CAGE1: variants seen among roughly 807,000 people sequenced by gnomAD.
CAGE1 encodes the protein cancer antigen 1, also known as cancer-associated gene 1 protein.
CAGE1 carries 66 observed loss-of-function variants against 94.9 expected under a neutral mutation model. The observed-to-expected ratio is 0.70, with a 90% CI of 0.57 to 0.85. The LOEUF is 0.85. CAGE1 is among the 40% of genes least tolerant of loss of function. The pLI is 0.00. For synonymous variants in CAGE1, 319 were observed against 321.0 expected, an observed-to-expected ratio of 0.99 and a Z score of 0.07; for missense variants, 865 against 950.4, an observed-to-expected ratio of 0.91 and a Z score of 1.18.
chr6:7,345,145 CTAGGTCCATATTGCTTTTAGGAGCTA>C (rs1736306783), intron 11 of CAGE1, among the ~76,000 whole-genome samples: 2 of 42,318 alleles, frequency 4.7e-5, no homozygotes, highest in African/African-American at 3.4e-4. Flanking sequence ...CTTTTAGGAG[CTAGGTCCATATTGCTTTTAGGAGCTA>C]TGACACTCCT....
At chr6:7,347,711 G>C (rs921007256) in intron 11 of CAGE1, among the ~76,000 whole-genome samples, 3 of 151,892 alleles carry the variant, frequency 2.0e-5, no homozygotes, top group Admixed American at 1.3e-4. Context: ...CCACTGCCTG[G>C]AAACAGACTG....
chr6:7,375,132 C>T (rs1033795452), intron 4 of CAGE1, among the ~76,000 whole-genome samples: 2 of 151,886 alleles, frequency 1.3e-5, no homozygotes, highest in East Asian at 1.9e-4. Flanking sequence ...AACCCAGGGC[C>T]GGGTGCAGTG....
chr6:7,347,651 T>C (rs1390039214), intron 11 of CAGE1, among the ~76,000 whole-genome samples: 1 of 152,108 alleles, frequency 6.6e-6, no homozygotes, highest in Non-Finnish European at 1.5e-5. Flanking sequence ...CCCTGTTCTT[T>C]CACAGCTGGG....
chr6:7,340,162 G>A (rs990216767), intron 11 of CAGE1, among the ~76,000 whole-genome samples: 1 of 152,206 alleles, frequency 6.6e-6, no homozygotes, highest in Non-Finnish European at 1.5e-5. Flanking sequence ...GCATTTCCCT[G>A]ATCATTAGTG....
chr6:7,389,691 TGA>T lies in CAGE1; in HGVS notation c.-515_-514del. On this transcript the variant is annotated 5_prime_UTR_variant, in exon 1 of 14. It removes the in-frame stop codon of an upstream open reading frame in the 5' UTR. Coordinates refer to ENST00000502583, the MANE Select transcript of CAGE1 (RefSeq NM_001170692.2). ...GTGCCGGCTACTCAACACGCCTTCC[TGA>T]GAGCACAGAACATCCACAGCCCTAT... is the stretch of plus-strand genomic sequence containing the variant. 4 of 469,576 alleles carry T rather than the reference TGA, an allele frequency of 8.5e-6. No individual in the cohort carries two copies. Among genetic ancestry groups the T allele is most frequent in the Non-Finnish European group, 1.2e-5 (3 of 256,662 alleles). 29.1% of individuals were successfully genotyped at this position (469,576 alleles called of 1,614,324 possible).
intron 11 of CAGE1, among the ~76,000 whole-genome samples, chr6:7,345,919 C>T (rs1053559155): frequency 2.6e-5 from 4 of 151,486 alleles, no homozygotes; most frequent in Non-Finnish European, 4.4e-5. Flanking sequence ...AACGAGAGTC[C>T]ATCTCAAAAA....
intron 11 of CAGE1, among the ~76,000 whole-genome samples, chr6:7,352,098 T>C (rs941641680): frequency 8.5e-5 from 13 of 152,208 alleles, no homozygotes; most frequent in African/African-American, 2.4e-4. Context: ...AAACTGTCAC[T>C]GTTGGCTGAA....
In CAGE1 at chr6:7,353,133, A is replaced by C. The variant is rs988778888; in HGVS notation, c.2369+1908T>G. ...CCACAGAGTGGGAGAAAATCTTCGC[A>C]CTCTATACATCTGACAAAGGACAAA... On this transcript the variant is annotated intron_variant, in intron 11 of 13. Coordinates refer to ENST00000502583, the MANE Select transcript of CAGE1 (RefSeq NM_001170692.2). 5.3e-5 allele frequency among the ~76,000 whole-genome samples: 8 copies of C among 152,220 alleles called. 1 individual carries two copies. Among genetic ancestry groups the C allele is most frequent in the African/African-American group, 1.9e-4 (8 of 41,458 alleles).
chr6:7,353,017 A>C (rs1759837677), intron 11 of CAGE1, among the ~76,000 whole-genome samples: 2 of 152,206 alleles, frequency 1.3e-5, no homozygotes, highest in Admixed American at 1.3e-4. Flanking sequence ...ACCCAAAAGT[A>C]AATGCAATAA....
At chr6:7,328,901 TGTGTGTGTG>T (rs2113333032) in intron 13 of CAGE1, among the ~76,000 whole-genome samples, 1 of 94,536 alleles carries the variant, frequency 1.1e-5, no homozygotes, top group South Asian at 3.7e-4. Context: ...TGTGTGTGTG[TGTGTGTGTG>T]TGTGTGTGTA....
At chr6:7,344,377 G>A (rs964848156) in intron 11 of CAGE1, among the ~76,000 whole-genome samples, 3 of 152,248 alleles carry the variant, frequency 2.0e-5, no homozygotes, top group Admixed American at 1.3e-4. Context: ...GGCTGCAGAG[G>A]GTGTACTGGG....
rs766554545 is a variant in CAGE1 at position 7,370,044 on chromosome 6, T to G, written c.1768A>C (p.Asn590His). The change falls in exon 6 of 14, where the codon AAT becomes CAT. Residue 590 changes from asparagine to histidine, a missense_variant. Asn to His is a moderately conservative substitution (Grantham distance 68, BLOSUM62 1). Coordinates refer to ENST00000502583, the MANE Select transcript of CAGE1 (RefSeq NM_001170692.2). ...ITKDTKTTHS[N>H]LLPDCSPCEE... is the part of the protein sequence containing the mutation. Reference sequence around the variant, plus strand: ...CAAGGTGAGCAATCCGGGAGCAGATTAGAATGTGTCGTTTTTGTATCCTAC... The same window carrying G: ...CAAGGTGAGCAATCCGGGAGCAGATGAGAATGTGTCGTTTTTGTATCCTAC... 5 of 1,607,192 alleles carry G rather than the reference T, an allele frequency of 3.1e-6. No homozygotes were observed. The Admixed American group carries it at 6.9e-5, about 22-fold the overall frequency.
chr6:7,367,910 TC>T (rs1291693237), intron 7 of CAGE1, among the ~76,000 whole-genome samples: 2 of 152,172 alleles, frequency 1.3e-5, no homozygotes. Flanking sequence ...CTTCATTTTA[TC>T]CTTCAATCTG....
In CAGE1 at chr6:7,326,820, G is replaced by A; in HGVS notation, c.*38C>T. The stretch of plus-strand genomic sequence containing the variant: ...TGTAGTAATGACTCTTCCTGGAGTG[G>A]TTGACAAAAATGATTACTGTTTAAT... On this transcript the variant is annotated 3_prime_UTR_variant, in exon 14 of 14. Transcript: ENST00000502583. 6.9e-7 allele frequency: 1 copy of A among 1,438,994 alleles called. No homozygotes were observed. Among genetic ancestry groups the A allele is most frequent in the Non-Finnish European group, 9.8e-7 (1 of 1,021,134 alleles). The allele number at this position is 1,438,994 out of a possible 1,614,324, so 89.1% of individuals were successfully genotyped here.
chr6:7,332,099 C>T (rs1025257574), intron 12 of CAGE1, among the ~76,000 whole-genome samples: 1 of 152,202 alleles, frequency 6.6e-6, no homozygotes, highest in Non-Finnish European at 1.5e-5. Context: ...CAGGGCTTCT[C>T]CTCCCCATCT....
At chr6:7,384,118 C>G (rs957844227) in intron 3 of CAGE1, among the ~76,000 whole-genome samples, 2 of 152,146 alleles carry the variant, frequency 1.3e-5, no homozygotes, top group African/African-American at 2.4e-5. Flanking sequence ...CTTATTGTCG[C>G]CCAGGCTGGA....
At chr6:7,369,521 C>A (rs902241658) in intron 6 of CAGE1, among the ~76,000 whole-genome samples, 16 of 152,184 alleles carry the variant, frequency 1.1e-4, no homozygotes, top group African/African-American at 3.6e-4. Flanking sequence ...TCTACACTGC[C>A]CTTCCCCGAC....
At position 7,378,819 on chromosome 6, in the gene CAGE1, T is replaced by G; in HGVS notation, c.485A>C (p.Lys162Thr). 6.2e-7 allele frequency: 1 copy of G among 1,613,582 alleles called. No individual in the cohort carries two copies. The highest frequency in any genetic ancestry group is 2.2e-5 in the East Asian group (1 of 44,880). Residue 162 changes from lysine (K) to threonine (T), a missense_variant, in exon 4 of 14, where the codon AAG becomes ACG. Coordinates refer to ENST00000502583, the MANE Select transcript of CAGE1 (RefSeq NM_001170692.2). ...KDNNIKQDSF[K>T]EENPMETSVS... ...ACTAGTTTCCATTGGATTTTCTTCCTTAAATGAGTCTTGCTTTATATTGTT... is the reference window on the plus strand; with the variant it reads ...ACTAGTTTCCATTGGATTTTCTTCCGTAAATGAGTCTTGCTTTATATTGTT...
At chr6:7,349,704 G>A (rs139896672) in intron 11 of CAGE1, among the ~76,000 whole-genome samples, 17 of 152,124 alleles carry the variant, frequency 1.1e-4, no homozygotes, top group South Asian at 2.1e-4. Context: ...AGGCCAAGGC[G>A]GGTGGACCAC....
Sources: allele counts gnomAD v4.1 joint callset (sites outside exome capture counted in the v4.1 genomes callset), GRCh38; gene constraint gnomAD v4.1.1; transcripts MANE v1.5; gene names NCBI Gene and HGNC (gene_info 2026-07-23, HGNC 2026-07-21).